TAFA5: variants seen among roughly 807,000 people sequenced by gnomAD.
TAFA5 encodes the protein TAFA chemokine like family member 5, also known as chemokine-like protein TAFA-5.
Under a neutral mutation model 15.3 loss-of-function variants are expected in TAFA5, and 6 were observed. The observed-to-expected ratio is 0.39, with a 90% CI of 0.21 to 0.77. The LOEUF (loss-of-function observed/expected upper bound fraction) is 0.77, where lower values mean the gene tolerates loss of function less well. Ranked by LOEUF, TAFA5 falls within the 30% of genes least tolerant of loss-of-function variation. The pLI, the probability that TAFA5 is intolerant of heterozygous loss-of-function variation, is 0.41. For synonymous variants in TAFA5, 103 were observed against 80.7 expected (o/e 1.28, Z -1.48); for missense variants, 161 against 193.1 (o/e 0.83, Z 0.98).
intron 1 of TAFA5, among the ~76,000 whole-genome samples, chr22:48,646,176 G>T (rs1016471782): frequency 7.2e-5 from 11 of 152,320 alleles, no homozygotes; most frequent in African/African-American, 2.6e-4. Flanking sequence ...CCTGGGGCCA[G>T]TGTGCTGGCA....
intron 1 of TAFA5, among the ~76,000 whole-genome samples, chr22:48,554,258 A>T (rs1922954152): frequency 6.6e-6 from 1 of 152,088 alleles, no homozygotes; most frequent in Non-Finnish European, 1.5e-5. Flanking sequence ...GGGCTAGTTT[A>T]GGCCGTCATT....
intron 1 of TAFA5, among the ~76,000 whole-genome samples, chr22:48,562,176 C>T (rs1303607303): frequency 2.0e-5 from 3 of 152,092 alleles, no homozygotes; most frequent in Non-Finnish European, 4.4e-5. Context: ...CTCGCTCTGT[C>T]GCCCAGGTTG....
chr22:48,544,815 T>A (rs746160743), intron 1 of TAFA5: 4 of 471,136 alleles, frequency 8.5e-6, no homozygotes, highest in Non-Finnish European at 1.8e-5. Flanking sequence ...GCAAACAAGG[T>A]GTGGCCTGGG....
chr22:48,635,091 C>G (rs1926397461), intron 1 of TAFA5, among the ~76,000 whole-genome samples: 1 of 152,224 alleles, frequency 6.6e-6, no homozygotes, highest in Non-Finnish European at 1.5e-5. Flanking sequence ...GGCCTGGGGC[C>G]TGGGGACGGA....
rs1035919061 is a variant in TAFA5, at chr22:48,676,067, AAC to A, written c.262+29325_262+29326del. Among the ~76,000 whole-genome samples the A allele has an allele frequency of 3.6e-4, 52 of 143,378 alleles. 1 individual carries two copies. Among genetic ancestry groups the A allele is most frequent in the African/African-American group, 1.6e-3 (52 of 33,102 alleles). The allele number at this position is 143,378 out of a possible 152,430, so 94.1% of individuals were successfully genotyped here. On this transcript the variant is annotated intron_variant, in intron 2 of 3. Coordinates refer to ENST00000402357, the MANE Select transcript of TAFA5 (RefSeq NM_001082967.3). ...CTGGACCATTTGAGGCTTGGAATAA[AAC>A]ACAGAGCACAGGCTGATCTCAGCCC... is the stretch of plus-strand genomic sequence containing the variant.
At chr22:48,699,424 G>A (rs770493342) in intron 2 of TAFA5, among the ~76,000 whole-genome samples, 1 of 152,104 alleles carries the variant, frequency 6.6e-6, no homozygotes, top group Non-Finnish European at 1.5e-5. Context: ...TAAAGTTGCA[G>A]CACGCGTTTT....
At chr22:48,606,137 C>T (rs554306029) in intron 1 of TAFA5, among the ~76,000 whole-genome samples, 1 of 152,318 alleles carries the variant, frequency 6.6e-6, no homozygotes, top group Non-Finnish European at 1.5e-5. Context: ...GAGTCAGCAG[C>T]AGGGCTCCGC....
At chr22:48,508,340 C>G (rs773730811) in intron 1 of TAFA5, among the ~76,000 whole-genome samples, 9 of 152,224 alleles carry the variant, frequency 5.9e-5, no homozygotes, top group East Asian at 5.8e-4. Context: ...GCCGCCCCCC[C>G]AGAGCTGGCC....
intron 1 of TAFA5, among the ~76,000 whole-genome samples, chr22:48,646,068 G>A (rs1926851264): frequency 6.6e-6 from 1 of 152,148 alleles, no homozygotes; most frequent in South Asian, 2.1e-4. Context: ...ACCCAGGCAG[G>A]CATGGCAGTT....
chr22:48,569,485 A>G (rs1007219362), intron 1 of TAFA5, among the ~76,000 whole-genome samples: 4 of 152,082 alleles, frequency 2.6e-5, no homozygotes, highest in Non-Finnish European at 5.9e-5. Context: ...TGCCAAGGAC[A>G]TGGGGAGTGT....
chr22:48,637,402 G>A (rs559265521), intron 1 of TAFA5, among the ~76,000 whole-genome samples: 135 of 152,304 alleles, frequency 8.9e-4, no homozygotes, highest in African/African-American at 3.0e-3. Flanking sequence ...CAGTTCGAAA[G>A]CGGTTCCTGC....
chr22:48,713,650 C>T (rs892944549), intron 3 of TAFA5, among the ~76,000 whole-genome samples: 3 of 152,206 alleles, frequency 2.0e-5, no homozygotes, highest in East Asian at 1.9e-4. Context: ...CAGTGCTGAG[C>T]GTCGTCCACG....
At chr22:48,738,703 T>G (rs984588103) in intron 3 of TAFA5, among the ~76,000 whole-genome samples, 4 of 152,036 alleles carry the variant, frequency 2.6e-5, no homozygotes, top group African/African-American at 9.7e-5. Context: ...AAGCCAACAT[T>G]CCCCGGGCAG....
At chr22:48,729,271 T>TTATTTATAAATATATAATTTA (rs1929792814) in intron 3 of TAFA5, among the ~76,000 whole-genome samples, 4 of 139,172 alleles carry the variant, frequency 2.9e-5, no homozygotes, top group Admixed American at 2.4e-4. Context: ...AATTTTATAT[T>TTATTTATAAATATATAATTTA]TATTTATAAA....
At chr22:48,638,254 G>C in intron 1 of TAFA5, among the ~76,000 whole-genome samples, 1 of 151,598 alleles carries the variant, frequency 6.6e-6, no homozygotes, top group Non-Finnish European at 1.5e-5. Flanking sequence ...ACTAAGCCCT[G>C]GGTCACCACA....
intron 1 of TAFA5, among the ~76,000 whole-genome samples, chr22:48,563,960 G>A (rs111286025): frequency 0.012 from 1,777 of 152,182 alleles, 11 homozygotes; most frequent in Admixed American, 0.017. Context: ...TGCTGTAGAA[G>A]GAGCAGCTGT....
At chr22:48,569,986 C>T (rs1332722941) in intron 1 of TAFA5, among the ~76,000 whole-genome samples, 2 of 152,258 alleles carry the variant, frequency 1.3e-5, no homozygotes, top group East Asian at 3.8e-4. Flanking sequence ...TGCCAGAGGC[C>T]TCCCTGAGGC....
intron 1 of TAFA5, among the ~76,000 whole-genome samples, chr22:48,547,693 G>A (rs1922723640): frequency 6.6e-6 from 1 of 152,158 alleles, no homozygotes; most frequent in Non-Finnish European, 1.5e-5. Flanking sequence ...CTCAGAGTGG[G>A]GTCCCAGTGG....
intron 1 of TAFA5, among the ~76,000 whole-genome samples, chr22:48,616,629 C>G (rs900986184): frequency 6.6e-6 from 1 of 151,230 alleles, no homozygotes; most frequent in South Asian, 2.1e-4. Flanking sequence ...AGTGGCCTCG[C>G]TGAGGCCGGA....
Sources: allele counts gnomAD v4.1 joint callset (sites outside exome capture counted in the v4.1 genomes callset), GRCh38; gene constraint gnomAD v4.1.1; transcripts MANE v1.5; gene names NCBI Gene and HGNC (gene_info 2026-07-23, HGNC 2026-07-21).